The following IL1RAPL2 variants were observed in gnomAD, a reference collection of about 807,000 sequenced individuals.
IL1RAPL2 encodes the protein interleukin 1 receptor accessory protein like 2, also known as X-linked interleukin-1 receptor accessory protein-like 2.
Under a neutral mutation model 44.1 loss-of-function variants are expected in IL1RAPL2, and 3 were observed. The ratio of observed to expected loss-of-function variants is 0.07; its 90% confidence interval spans 0.03 to 0.18. The LOEUF (loss-of-function observed/expected upper bound fraction) is 0.18. Ranked by LOEUF, IL1RAPL2 falls within the 10% of genes least tolerant of loss-of-function variation. The pLI is 1.00. For missense variants in IL1RAPL2, 391 were observed against 496.4 expected (o/e 0.79, Z 2.02); for synonymous variants, 181 against 178.8 (o/e 1.01, Z -0.10).
chrX:105,590,849 T>TGTGTGTGTGTG (rs1569456765), intron 6 of IL1RAPL2, among the ~76,000 whole-genome samples: 49 of 80,791 alleles, frequency 6.1e-4, no homozygotes, highest in African/African-American at 2.6e-3. Flanking sequence ...GTGTGTGTGT[T>TGTGTGTGTGTG]TGTGTGTGTT....
intron 2 of IL1RAPL2, among the ~76,000 whole-genome samples, chrX:105,122,235 A>G (rs915222777): frequency 9.0e-6 from 1 of 111,642 alleles, no homozygotes; most frequent in African/African-American, 3.3e-5. Context: ...AGAAGATTAC[A>G]TTTTTGTTTT....
At chrX:104,765,951 A>G (rs751188667) in intron 2 of IL1RAPL2, among the ~76,000 whole-genome samples, 2 of 112,300 alleles carry the variant, frequency 1.8e-5, no homozygotes, top group East Asian at 2.8e-4. Flanking sequence ...TCAAAACTCT[A>G]TCAAAGTGTT....
At chrX:105,230,398 C>A (rs1365276910) in intron 3 of IL1RAPL2, among the ~76,000 whole-genome samples, 2 of 108,848 alleles carry the variant, frequency 1.8e-5, no homozygotes, top group Admixed American at 2.0e-4. Flanking sequence ...TTTTATATTG[C>A]TCATGATTAT....
chrX:104,609,728 G>A (rs1448112225), intron 1 of IL1RAPL2, among the ~76,000 whole-genome samples: 1 of 111,734 alleles, frequency 8.9e-6, no homozygotes, highest in Non-Finnish European at 1.9e-5. Flanking sequence ...CTCTACACTG[G>A]TTATTCTAGT....
intron 2 of IL1RAPL2, among the ~76,000 whole-genome samples, chrX:104,839,644 G>A (rs1228892032): frequency 8.9e-6 from 1 of 111,922 alleles, no homozygotes; most frequent in African/African-American, 3.3e-5. Flanking sequence ...ATTGTTTGGA[G>A]TAGTTTTAGA....
chrX:105,718,168 G>C (rs768160643), intron 7 of IL1RAPL2, among the ~76,000 whole-genome samples: 2 of 111,761 alleles, frequency 1.8e-5, no homozygotes, highest in Admixed American at 9.5e-5. Flanking sequence ...TTTGGTTTCA[G>C]AGATGATGAT....
chrX:105,484,466 G>A, intron 6 of IL1RAPL2, 79 bp downstream of exon 6: 1 of 650,130 alleles, frequency 1.5e-6, no homozygotes, highest in Non-Finnish European at 2.6e-6. Flanking sequence ...AACCAGGAAA[G>A]GTTTATTGCC....
chrX:105,491,204 TTTTTA>T (rs970903572), intron 6 of IL1RAPL2, among the ~76,000 whole-genome samples: 2 of 111,460 alleles, frequency 1.8e-5, no homozygotes, highest in African/African-American at 6.5e-5. Context: ...ATTTTTTATT[TTTTTA>T]TTTTTATTTT....
At chrX:105,371,559 A>G (rs757679011) in intron 5 of IL1RAPL2, among the ~76,000 whole-genome samples, 38 of 111,859 alleles carry the variant, frequency 3.4e-4, no homozygotes, top group African/African-American at 1.1e-3. Flanking sequence ...CATATTTGGT[A>G]TATATTTTTC....
At chrX:104,718,174 C>G (rs780607551) in intron 2 of IL1RAPL2, among the ~76,000 whole-genome samples, 185 of 110,780 alleles carry the variant, frequency 1.7e-3, no homozygotes, top group Middle Eastern at 9.3e-3. Context: ...CCTGAGGAAT[C>G]GCCACACTGA....
intron 2 of IL1RAPL2, among the ~76,000 whole-genome samples, chrX:104,752,735 G>A (rs189109838): frequency 9.0e-6 from 1 of 110,871 alleles, no homozygotes; most frequent in Non-Finnish European, 1.9e-5. Context: ...TTTTCTTGGT[G>A]TAGGCTCATG....
At chrX:105,269,117 C>A (rs1290792030) in intron 5 of IL1RAPL2, among the ~76,000 whole-genome samples, 1 of 111,278 alleles carries the variant, frequency 9.0e-6, no homozygotes, top group African/African-American at 3.3e-5. Flanking sequence ...GTTTAACCAT[C>A]TAATGCCAAC....
chrX:105,636,350 A>G (rs1425102718), intron 6 of IL1RAPL2, among the ~76,000 whole-genome samples: 2 of 111,619 alleles, frequency 1.8e-5, no homozygotes, highest in African/African-American at 6.5e-5. Flanking sequence ...TCATAAAAAT[A>G]TAATATTTAA....
intron 1 of IL1RAPL2, among the ~76,000 whole-genome samples, chrX:104,624,205 C>T (rs1929453276): frequency 9.0e-6 from 1 of 111,729 alleles, no homozygotes; most frequent in African/African-American, 3.2e-5. Flanking sequence ...GGTTTTGGTG[C>T]TTTCATTTTT....
chrX:105,217,731 A>C (rs1019540655), intron 3 of IL1RAPL2, among the ~76,000 whole-genome samples: 2 of 112,446 alleles, frequency 1.8e-5, no homozygotes, highest in African/African-American at 6.5e-5. Flanking sequence ...CTGGATTAAG[A>C]AAATGTGGCA....
At chrX:104,761,969 C>A (rs1016392907) in intron 2 of IL1RAPL2, among the ~76,000 whole-genome samples, 3 of 97,581 alleles carry the variant, frequency 3.1e-5, no homozygotes, top group African/African-American at 1.2e-4. Flanking sequence ...TCTTCTTCTT[C>A]TTCTTCTTCT....
chrX:105,711,498 C>T (rs1228932283), intron 6 of IL1RAPL2, among the ~76,000 whole-genome samples: 1 of 111,556 alleles, frequency 9.0e-6, no homozygotes, highest in Admixed American at 9.5e-5. Flanking sequence ...TCCTGCCTCT[C>T]AACACTATTA....
rs1009649134 is a variant in IL1RAPL2, at chrX:105,469,638, C to A, written c.698-14675C>A. Among the ~76,000 whole-genome samples, 4 of 110,198 alleles carry A rather than the reference C, an allele frequency of 3.6e-5. 1 individual carries two copies. The highest frequency in any genetic ancestry group is 7.6e-5 in the Non-Finnish European group (4 of 52,775). On this transcript the variant is annotated intron_variant, in intron 5 of 10. Transcript: ENST00000372582. ...TCTTTGTAATTATGACTGTCTAAGA[C>A]TAAGTACTATTGAAATGATGCAAAT...
intron 6 of IL1RAPL2, among the ~76,000 whole-genome samples, chrX:105,660,073 A>C (rs2037708840): frequency 9.0e-6 from 1 of 111,522 alleles, no homozygotes; most frequent in African/African-American, 3.3e-5. Flanking sequence ...AGACACCTCA[A>C]GGCATTTATT....
Sources: allele counts gnomAD v4.1 joint callset (sites outside exome capture counted in the v4.1 genomes callset), GRCh38; gene constraint gnomAD v4.1.1; transcripts MANE v1.5; gene names NCBI Gene and HGNC (gene_info 2026-07-23, HGNC 2026-07-21).